Variants in SORBS2 observed in about 807,000 individuals in gnomAD.
SORBS2 encodes sorbin and SH3 domain-containing protein 2.
In SORBS2, 46 loss-of-function variants were observed where a neutral mutation model predicts 97.7. The observed-to-expected ratio is 0.47, with a 90% CI of 0.37 to 0.60. SORBS2 has a LOEUF of 0.60. Ranked by LOEUF, SORBS2 falls within the 20% of genes least tolerant of loss-of-function variation. SORBS2 has a pLI of 0.00. For missense variants in SORBS2, 1,316 were observed against 1,282.3 expected (o/e 1.03, Z -0.40); for synonymous variants, 476 against 473.4 (o/e 1.01, Z -0.07).
chr4:185,604,363 A>G (rs1480190378), intron 12 of SORBS2, among the ~76,000 whole-genome samples: 1 of 152,172 alleles, frequency 6.6e-6, no homozygotes, highest in East Asian at 1.9e-4. Context: ...TGGTGGATTG[A>G]TCTCCTGTTG....
chr4:185,701,131 T>A (rs1268892838), intron 2 of SORBS2, among the ~76,000 whole-genome samples: 1 of 152,230 alleles, frequency 6.6e-6, no homozygotes, highest in Non-Finnish European at 1.5e-5. Flanking sequence ...CTCAGTCTGA[T>A]CTTTATTAGC....
At chr4:185,715,830 T>C (rs1010378848) in intron 2 of SORBS2, among the ~76,000 whole-genome samples, 3 of 152,190 alleles carry the variant, frequency 2.0e-5, no homozygotes, top group Admixed American at 6.5e-5. Context: ...AAATGCTCAA[T>C]AGATAAATAA....
rs993130555 is a variant in SORBS2, at chr4:185,607,197, C to T, written c.2796+4583G>A. 4.9e-5 allele frequency: 56 copies of T among 1,135,328 alleles called. No homozygotes were observed. The highest frequency in any genetic ancestry group is 1.4e-4 in the Admixed American group (3 of 22,106). The allele number at this position is 1,135,328 out of a possible 1,614,324, so 70.3% of individuals were successfully genotyped here. A position where few individuals can be genotyped will look rare whatever the true frequency, so the allele number is the denominator to read the frequency against. Reference sequence around the variant, plus strand: ...TCTCCAATTCACCCAAGAAGTTGTCCAGGAAACGAGGTGGTGTTGGGGCCA... The same window carrying T: ...TCTCCAATTCACCCAAGAAGTTGTCTAGGAAACGAGGTGGTGTTGGGGCCA... On this transcript the variant is annotated intron_variant, in intron 12 of 14. Coordinates refer to ENST00000418609, the Ensembl canonical transcript of SORBS2. This position sits in a 1 kb window ranked among gnomAD's most constrained non-coding sequence, Gnocchi z 5.2.
chr4:185,651,894 A>G, intron 2 of SORBS2, 66 bp from the exon 11 acceptor site: 1 of 797,958 alleles, frequency 1.3e-6, no homozygotes, highest in Non-Finnish European at 2.2e-6. Flanking sequence ...AGACAGCAGA[A>G]CTTCAGACAA....
At chr4:185,721,808 G>T (rs2098517084) in intron 2 of SORBS2, among the ~76,000 whole-genome samples, 1 of 152,200 alleles carries the variant, frequency 6.6e-6, no homozygotes, top group African/African-American at 2.4e-5. Context: ...CTGCTCCAGA[G>T]AGCTGAGGTC....
chr4:185,651,895 C>T (rs2097321055), intron 2 of SORBS2, 67 bp from the exon 11 acceptor site: 1 of 796,074 alleles, frequency 1.3e-6, no homozygotes, highest in Non-Finnish European at 2.2e-6. Context: ...GACAGCAGAA[C>T]TTCAGACAAA....
At position 185,889,123 on chromosome 4, in the gene SORBS2, GT is replaced by G. The variant is rs201909109; in HGVS notation, c.-338+67072del. On this transcript the variant is annotated intron_variant, in intron 1 of 20. Coordinates refer to the SORBS2 transcript ENST00000284776. Reference sequence around the variant, plus strand: ...TTTACTTTTATCTTAGAGGAAGAGGGTTTTTTCTTCCATTCCAAGGTTAAAC... The same window carrying G: ...TTTACTTTTATCTTAGAGGAAGAGGGTTTTTCTTCCATTCCAAGGTTAAAC... Among the ~76,000 whole-genome samples, 49 of 152,270 alleles carry G rather than the reference GT, an allele frequency of 3.2e-4. 1 individual carries two copies. The East Asian group carries it at 8.3e-3, about 26-fold the overall frequency.
chr4:185,870,610 T>C (rs774982620), intron 1 of SORBS2, among the ~76,000 whole-genome samples: 9 of 152,216 alleles, frequency 5.9e-5, no homozygotes, highest in Non-Finnish European at 8.8e-5. Context: ...GCTGCGCTCG[T>C]TCCTCAGGGG....
chr4:185,830,260 C>T (rs554292796), intron 1 of SORBS2, among the ~76,000 whole-genome samples: 1 of 152,280 alleles, frequency 6.6e-6, no homozygotes, highest in African/African-American at 2.4e-5. Flanking sequence ...CCTCTAGATG[C>T]TCTCAAATCA....
rs868720529 is a variant in SORBS2 at position 185,712,348 on chromosome 4, C to T, written c.-197-33526G>A. On this transcript the variant is annotated intron_variant, in intron 2 of 20. Coordinates refer to the SORBS2 transcript ENST00000284776. The stretch of plus-strand genomic sequence containing the variant: ...CTGGATTCAAGGGGAAGACTACCTA[C>T]CTGCCCATCCCCTGTTCAGCTCCCC... Among the ~76,000 whole-genome samples, 23 of 152,294 alleles carry T rather than the reference C, an allele frequency of 1.5e-4. No homozygotes were observed. In the Middle Eastern group the frequency reaches 0.01, roughly 68 times the overall value.
chr4:185,662,104 C>G (rs761261656), exon 5 of SORBS2: 4 of 1,613,934 alleles, frequency 2.5e-6, no homozygotes, highest in East Asian at 4.5e-5. Context: ...AATTACTTAC[C>G]GAGGGATGTG....
chr4:185,802,242 C>T (rs2099134395), intron 1 of SORBS2, among the ~76,000 whole-genome samples: 1 of 152,144 alleles, frequency 6.6e-6, no homozygotes, highest in Admixed American at 6.5e-5. Context: ...TATAGCACTC[C>T]ATCACCTTCT....
chr4:185,823,201 C>T (rs1040393030), intron 1 of SORBS2, among the ~76,000 whole-genome samples: 4 of 152,254 alleles, frequency 2.6e-5, no homozygotes, highest in East Asian at 1.9e-4. Flanking sequence ...CTTTATGTAC[C>T]GAAGTCCTCA....
intron 12 of SORBS2, among the ~76,000 whole-genome samples, chr4:185,595,305 A>C (rs1427452162): frequency 6.6e-6 from 1 of 152,176 alleles, no homozygotes; most frequent in East Asian, 1.9e-4. Context: ...CACAATTATG[A>C]CTTAAGAGTG....
chr4:185,950,530 A>G (rs35344142), intron 1 of SORBS2, among the ~76,000 whole-genome samples: 13,966 of 152,216 alleles, frequency 0.092, 698 homozygotes, highest in East Asian at 0.17. Flanking sequence ...AAGTTACCTC[A>G]TAGAGATTCT....
intron 2 of SORBS2, among the ~76,000 whole-genome samples, chr4:185,724,658 C>T (rs1277891336): frequency 6.6e-6 from 1 of 152,140 alleles, no homozygotes; most frequent in African/African-American, 2.4e-5. Flanking sequence ...CACCCCATGA[C>T]CTGACTCCAT....
Position 185,605,270 on chromosome 4 carries a change from A to G in SORBS2, c.2796+6510T>C, listed in dbSNP as rs531342048. 4.4e-4 allele frequency among the ~76,000 whole-genome samples: 67 copies of G among 152,264 alleles called. 1 individual carries two copies. Among genetic ancestry groups the G allele is most frequent in the Non-Finnish European group, 7.1e-4 (48 of 68,014 alleles). On this transcript the variant is annotated intron_variant, in intron 12 of 14. Transcript: ENST00000418609. ...ACTTGCTTCTTAATTCACAGGGTACATTTGTGGGATCAAGTTTCTTTTTAT... is the reference window on the plus strand; with the variant it reads ...ACTTGCTTCTTAATTCACAGGGTACGTTTGTGGGATCAAGTTTCTTTTTAT...
chr4:185,661,040 C>T (rs1038012665), upstream of SORBS2, among the ~76,000 whole-genome samples: 3 of 151,952 alleles, frequency 2.0e-5, no homozygotes, highest in Non-Finnish European at 4.4e-5. Context: ...TTAGGGAGGT[C>T]GAGGCAGGTG....
intron 1 of SORBS2, among the ~76,000 whole-genome samples, chr4:185,848,759 G>T (rs2099216114): frequency 1.3e-5 from 2 of 149,962 alleles, no homozygotes; most frequent in African/African-American, 2.5e-5. Context: ...ACTACAGGCA[G>T]CCACCACCAT....
Sources: gnomAD v4.1 joint callset for allele counts (sites outside exome capture counted in the v4.1 genomes callset) on GRCh38, gnomAD v4.1.1 for gene constraint, Gnocchi (gnomAD v3.1) non-coding constraint, MANE v1.5 for transcripts, NCBI Gene and HGNC (gene_info 2026-07-23, HGNC 2026-07-21) for gene names.